Variants in PTPRD observed in about 807,000 individuals in gnomAD.
PTPRD encodes protein tyrosine phosphatase receptor type D.
A neutral mutation model predicts 214.5 loss-of-function variants in PTPRD; 34 were observed. The observed-to-expected ratio is 0.16, with a 90% CI of 0.12 to 0.21. PTPRD has a LOEUF of 0.21. Among genes scored for constraint, PTPRD ranks in the 10% least tolerant of loss-of-function variants. PTPRD has a pLI of 1.00. For synonymous variants in PTPRD, 1,128 were observed against 845.7 expected (o/e 1.33, Z -5.79); for missense variants, 2,545 against 2,398.7 (o/e 1.06, Z -1.27).
At chr9:9,198,293 A>G (rs2099939825) in intron 9 of PTPRD, among the ~76,000 whole-genome samples, 1 of 152,150 alleles carries the variant, frequency 6.6e-6, no homozygotes, top group Non-Finnish European at 1.5e-5. Flanking sequence ...ACACCATAAA[A>G]TCAAACCAAA....
At chr9:8,939,785 A>G (rs1275238355) in intron 11 of PTPRD, among the ~76,000 whole-genome samples, 3 of 152,192 alleles carry the variant, frequency 2.0e-5, no homozygotes, top group Non-Finnish European at 4.4e-5. Flanking sequence ...AAGCAAATCA[A>G]TGTAATAAAT....
Position 8,650,046 on chromosome 9 carries a change from C to T in PTPRD, c.65-13202G>A, listed in dbSNP as rs76810359. Among the ~76,000 whole-genome samples, 814 of 152,114 alleles carry T rather than the reference C, an allele frequency of 5.4e-3. 15 individuals are homozygous for T. Among genetic ancestry groups the T allele is most frequent in the African/African-American group, 0.019 (786 of 41,526 alleles). ...CATCCTCCCAGCTCAAACTCCCGAG[C>T]AGCGAGGACTATGGGCACATGCCAC... On this transcript the variant is annotated intron_variant, in intron 12 of 45. Coordinates refer to ENST00000381196, the MANE Select transcript of PTPRD (RefSeq NM_002839.4).
chr9:10,487,111 T>G (rs182066113), intron 2 of PTPRD, among the ~76,000 whole-genome samples: 71 of 152,274 alleles, frequency 4.7e-4, no homozygotes, highest in African/African-American at 1.5e-3. Flanking sequence ...GTATCACGAG[T>G]ATAGCTACTC....
chr9:9,129,620 G>T (rs530267073), intron 10 of PTPRD, among the ~76,000 whole-genome samples: 7 of 152,080 alleles, frequency 4.6e-5, no homozygotes, highest in Non-Finnish European at 1.0e-4. Context: ...CCCCTTAAGT[G>T]GTAGCTGTGC....
chr9:8,435,556 T>C (rs1415346676), intron 35 of PTPRD, among the ~76,000 whole-genome samples: 4 of 152,334 alleles, frequency 2.6e-5, no homozygotes, highest in East Asian at 3.9e-4. Flanking sequence ...TTTAATCTTA[T>C]GTTAAAACTG....
chr9:9,037,437 G>C (rs1269179652), intron 10 of PTPRD, among the ~76,000 whole-genome samples: 1 of 152,110 alleles, frequency 6.6e-6, no homozygotes, highest in East Asian at 1.9e-4. Flanking sequence ...ACCTTCTCCA[G>C]GGTGAACTTT....
At chr9:9,195,082 T>TG (rs1569560934) in intron 9 of PTPRD, among the ~76,000 whole-genome samples, 29 of 88,890 alleles carry the variant, frequency 3.3e-4, no homozygotes, top group Non-Finnish European at 5.7e-4. Context: ...ATGTGTGTGT[T>TG]TGTGTATATA....
chr9:10,612,178 T>A (rs10114665), intron 2 of PTPRD, among the ~76,000 whole-genome samples: 91,974 of 144,632 alleles, frequency 0.64, 29,326 homozygotes, highest in Admixed American at 0.72. Context: ...CCCATACTGA[T>A]CCCATATCGA....
chr9:8,376,117 TTC>T (rs1402211921), intron 38 of PTPRD, 27 bp from the exon 39 acceptor site: 3 of 1,610,152 alleles, frequency 1.9e-6, no homozygotes, highest in East Asian at 4.5e-5. Context: ...TCAGCTGAAA[TTC>T]TGTTTTCCAA....
intron 5 of PTPRD, among the ~76,000 whole-genome samples, chr9:9,878,736 G>C (rs2067667762): frequency 6.6e-6 from 1 of 152,088 alleles, no homozygotes; most frequent in Non-Finnish European, 1.5e-5. Flanking sequence ...TCTCATAATT[G>C]TTAGATACTT....
At chr9:10,058,195 C>T (rs394989) in intron 3 of PTPRD, among the ~76,000 whole-genome samples, 21,400 of 151,956 alleles carry the variant, frequency 0.14, 3,406 homozygotes, top group African/African-American at 0.39. Context: ...AAAACAAAAA[C>T]TCATGTCTTA....
rs1250220732 is a variant in PTPRD at position 8,341,821 on chromosome 9, C to T, written c.4819G>A (p.Asp1607Asn). The change falls in exon 40 of 46, where the codon GAT becomes AAT. Residue 1607 changes from aspartate (D) to asparagine (N), a missense_variant. Physicochemically the swap from Asp to Asn is conservative, Grantham distance 23. Coordinates refer to ENST00000381196, the MANE Select transcript of PTPRD (RefSeq NM_002839.4). ...CAAGTCACTGCTTCTAACAGTGCAT[C>T]ATGGATAAAGATGTATTGGTCTTCT... ...QTEDQYIFIH[D>N]ALLEAVTCGN... 1.9e-6 allele frequency: 3 copies of T among 1,613,526 alleles called. No individual in the cohort carries two copies. The highest frequency in any genetic ancestry group is 2.5e-6 in the Non-Finnish European group (3 of 1,179,696).
intron 22 of PTPRD, among the ~76,000 whole-genome samples, 186 bp downstream of exon 22, chr9:8,507,115 T>G (rs897714515): frequency 9.2e-5 from 14 of 152,030 alleles, no homozygotes; most frequent in African/African-American, 3.1e-4. Context: ...CTGTTTTTTG[T>G]CATTGTTGTT....
intron 12 of PTPRD, among the ~76,000 whole-genome samples, chr9:8,703,870 C>A (rs1343971820): frequency 6.6e-6 from 1 of 152,136 alleles, no homozygotes; most frequent in Non-Finnish European, 1.5e-5. Flanking sequence ...ATGTCCCAAA[C>A]CGAGCTCATG....
intron 8 of PTPRD, among the ~76,000 whole-genome samples, chr9:9,423,751 A>G (rs1027122196): frequency 6.6e-6 from 1 of 152,198 alleles, no homozygotes; most frequent in African/African-American, 2.4e-5. Context: ...AACCCAATGA[A>G]TAAGTTAAAT....
intron 2 of PTPRD, among the ~76,000 whole-genome samples, chr9:10,345,291 T>C (rs910295568): frequency 6.6e-6 from 1 of 152,208 alleles, no homozygotes; most frequent in Non-Finnish European, 1.5e-5. Flanking sequence ...AATTTTGTTA[T>C]TATACTTTAA....
intron 5 of PTPRD, among the ~76,000 whole-genome samples, chr9:9,859,546 T>C (rs977843183): frequency 6.6e-6 from 1 of 152,202 alleles, no homozygotes; most frequent in Admixed American, 6.5e-5. Flanking sequence ...TGATTTAGAT[T>C]CCCACATAAC....
At chr9:10,225,677 T>A in intron 3 of PTPRD, among the ~76,000 whole-genome samples, 1 of 152,056 alleles carries the variant, frequency 6.6e-6, no homozygotes, top group East Asian at 1.9e-4. Flanking sequence ...ACAAGAAAAG[T>A]CTACTCTTAT....
intron 2 of PTPRD, among the ~76,000 whole-genome samples, chr9:10,423,673 C>A (rs1294832171): frequency 6.6e-6 from 1 of 151,872 alleles, no homozygotes; most frequent in Non-Finnish European, 1.5e-5. Context: ...CCTGTTAATG[C>A]AGAGACATAG....
Sources: gnomAD v4.1 joint callset for allele counts (sites outside exome capture counted in the v4.1 genomes callset) on GRCh38, gnomAD v4.1.1 for gene constraint, MANE v1.5 for transcripts, NCBI Gene and HGNC (gene_info 2026-07-23, HGNC 2026-07-21) for gene names.